PRKCZ: variants seen among roughly 807,000 people sequenced by gnomAD.
PRKCZ encodes the protein protein kinase C zeta type.
PRKCZ carries 33 observed loss-of-function variants against 79.5 expected under a neutral mutation model. That is an observed-to-expected ratio of 0.41 (90% CI 0.31 to 0.55). PRKCZ has a LOEUF of 0.55. Among genes scored for constraint, PRKCZ ranks in the 20% least tolerant of loss-of-function variants. The pLI, the probability that PRKCZ is intolerant of heterozygous loss-of-function variation, is 0.19. For missense variants in PRKCZ, 578 were observed against 813.5 expected (o/e 0.71, Z 3.52); for synonymous variants, 342 against 320.9 (o/e 1.07, Z -0.70).
intron 5 of PRKCZ, 49 bp downstream of exon 5, chr1:2,135,396 T>G: frequency 6.6e-7 from 1 of 1,505,812 alleles, no homozygotes; most frequent in Non-Finnish European, 9.1e-7. Flanking sequence ...TTTGTTACTT[T>G]TAAAAGCAAA....
At chr1:2,070,508 A>G (rs1465788940) in intron 4 of PRKCZ, among the ~76,000 whole-genome samples, 1 of 152,146 alleles carries the variant, frequency 6.6e-6, no homozygotes, top group Non-Finnish European at 1.5e-5. Flanking sequence ...CTCCAAGGCC[A>G]TTTCTACTTG....
rs1307528167 is a variant in PRKCZ at position 2,075,179 on chromosome 1, C to G, written c.334+15588C>G. On this transcript the variant is annotated intron_variant, in intron 4 of 17. Coordinates refer to ENST00000378567, the MANE Select transcript of PRKCZ (RefSeq NM_002744.6). This position sits in a 1 kb window ranked among gnomAD's most constrained non-coding sequence, Gnocchi z 4.8. The stretch of plus-strand genomic sequence containing the variant: ...GCTGGGGTGGTTTTCACACGTGCGC[C>G]TGCCTGCGAGGAGAAACGTGCTGTG... The G allele has an allele frequency of 6.6e-6, 1 of 152,324 alleles. No homozygotes were observed. The highest frequency in any genetic ancestry group is 1.5e-5 in the Non-Finnish European group (1 of 68,146). 9.4% of individuals were successfully genotyped at this position (152,324 alleles called of 1,614,324 possible). A position where few individuals can be genotyped will look rare whatever the true frequency, so the allele number is the denominator to read the frequency against.
rs529291511 is a variant in PRKCZ at position 2,177,700 on chromosome 1, G to A, written c.1575+2387G>A. On this transcript the variant is annotated intron_variant, in intron 16 of 17. Transcript: ENST00000378567. This position sits in a 1 kb window ranked among gnomAD's most constrained non-coding sequence, Gnocchi z 6.4. ...GTGATCTCTGGCACACACTTGCCGC[G>A]GGCTGTCTCTCGGAAGGTAGTCAGC... 3.3e-5 allele frequency among the ~76,000 whole-genome samples: 5 copies of A among 152,256 alleles called. No individual in the cohort carries two copies. In the East Asian group the frequency reaches 7.7e-4, roughly 24 times the overall value.
In PRKCZ at chr1:2,125,060, G is replaced by A. The variant is rs530527220; in HGVS notation, c.335-10202G>A. On this transcript the variant is annotated intron_variant, in intron 4 of 17. Coordinates refer to ENST00000378567, the MANE Select transcript of PRKCZ (RefSeq NM_002744.6). The surrounding 1 kb of genome is among the most constrained non-coding windows in gnomAD (Gnocchi z 4.2). ...CAGCCTGGCTCTGTGCCGGGCGCTG[G>A]GCAATCTCTGCCTCCAGCCTGGGCC... 1.4e-4 allele frequency among the ~76,000 whole-genome samples: 22 copies of A among 152,248 alleles called. No homozygotes were observed. The highest frequency in any genetic ancestry group is 2.2e-4 in the Non-Finnish European group (15 of 68,012).
chr1:2,109,490 A>G (rs906790795), intron 4 of PRKCZ, among the ~76,000 whole-genome samples: 1 of 152,204 alleles, frequency 6.6e-6, no homozygotes, highest in African/African-American at 2.4e-5. Flanking sequence ...CGTGAATATT[A>G]AACATGTGGA....
At chr1:2,050,228 A>G (rs1329716516), upstream of PRKCZ, among the ~76,000 whole-genome samples, 2 of 151,426 alleles carry the variant, frequency 1.3e-5, no homozygotes, top group East Asian at 2.0e-4. Flanking sequence ...CGCCCCGCCC[A>G]ACAGGTAGCC....
intron 4 of PRKCZ, among the ~76,000 whole-genome samples, chr1:2,105,047 G>A (rs780443076): frequency 2.6e-5 from 4 of 152,196 alleles, no homozygotes; most frequent in Admixed American, 6.5e-5. Flanking sequence ...AAGGACGCTT[G>A]CATAGCCAAC....
chr1:2,087,314 C>G (rs28654259), intron 4 of PRKCZ, among the ~76,000 whole-genome samples: 4,272 of 152,204 alleles, frequency 0.028, 195 homozygotes, highest in East Asian at 0.13. Flanking sequence ...AACTCCTGAC[C>G]TCAAGGGATC....
chr1:2,157,866 C>T (rs531388345), intron 10 of PRKCZ, among the ~76,000 whole-genome samples: 7 of 152,146 alleles, frequency 4.6e-5, no homozygotes, highest in African/African-American at 9.7e-5. Context: ...ATGTTATATC[C>T]GTGTAGGGAA....
chr1:2,074,646 T>C, intron 4 of PRKCZ: 2 of 385,670 alleles, frequency 5.2e-6, no homozygotes, highest in South Asian at 6.0e-5. Context: ...ATTGACAGTG[T>C]TGGGTTGGAG....
rs1300505391 is a variant in PRKCZ, at chr1:2,173,843, C to T, written c.1286-54C>T. ...GAAAACCAACGCCAGCCAGGTTCGT[C>T]CTGCTGCCGGCCCATGTGGCCCCAC... On this transcript the variant is annotated intron_variant, in intron 13 of 17. Transcript: ENST00000378567. This position sits in a 1 kb window ranked among gnomAD's most constrained non-coding sequence, Gnocchi z 5.7. The T allele has an allele frequency of 6.6e-7, 1 of 1,522,790 alleles. No homozygotes were observed. Among genetic ancestry groups the T allele is most frequent in the Non-Finnish European group, 8.8e-7 (1 of 1,130,448 alleles). 94.3% of individuals were successfully genotyped at this position (1,522,790 alleles called of 1,614,324 possible).
At position 2,144,211 on chromosome 1, in the gene PRKCZ, G is replaced by T; in HGVS notation, c.422G>T (p.Arg141Ile). The change falls in exon 6 of 18, where the codon AGA (arginine) becomes ATA (isoleucine). Residue 141 changes from arginine (R) to isoleucine (I), a missense_variant and splice_region_variant. Transcript: ENST00000378567. ...CTGACGCTCTGTTCCCACCTGCAGA[G>T]AGCGTACTGCGGTCAGTGCAGCGAG... ...HLFQAKRFNRRAYCGQCSERI... is the reference protein window; with the variant it reads ...HLFQAKRFNRIAYCGQCSERI... 1.3e-6 allele frequency: 2 copies of T among 1,551,886 alleles called. No homozygotes were observed. Among genetic ancestry groups the T allele is most frequent in the Non-Finnish European group, 8.7e-7 (1 of 1,147,044 alleles).
rs374680073 is a variant in PRKCZ at position 2,106,333 on chromosome 1, G to C, written c.335-28929G>C. Among the ~76,000 whole-genome samples, 96 of 152,356 alleles carry C rather than the reference G, an allele frequency of 6.3e-4. No individual in the cohort carries two copies. In the Middle Eastern group the frequency reaches 0.024, roughly 38 times the overall value. ...ACAGAAGTAGAGAGAATTACATAGT[G>C]AGGCCTCGTGCACACCCTGCCTGGC... On this transcript the variant is annotated intron_variant, in intron 4 of 17. Transcript: ENST00000378567.
intron 4 of PRKCZ, among the ~76,000 whole-genome samples, chr1:2,066,632 G>T (rs1239899181): frequency 6.6e-6 from 1 of 152,216 alleles, no homozygotes; most frequent in African/African-American, 2.4e-5. Flanking sequence ...ATGAGCTGCT[G>T]CGCCCGGCCC....
intron 4 of PRKCZ, among the ~76,000 whole-genome samples, chr1:2,109,390 C>T (rs1669257426): frequency 6.6e-6 from 1 of 152,208 alleles, no homozygotes; most frequent in Non-Finnish European, 1.5e-5. Flanking sequence ...GACCCTTGAC[C>T]TTGGTGGCCT....
intron 4 of PRKCZ, among the ~76,000 whole-genome samples, chr1:2,116,652 C>G (rs1232170324): frequency 1.3e-5 from 2 of 152,048 alleles, no homozygotes; most frequent in South Asian, 2.1e-4. Context: ...GTTTTTTGCC[C>G]CCATGTCGTA....
intron 4 of PRKCZ, among the ~76,000 whole-genome samples, chr1:2,077,818 A>T (rs2102356948): frequency 6.6e-6 from 1 of 152,322 alleles, no homozygotes; most frequent in Middle Eastern, 3.4e-3. Context: ...TCTCTGGGAC[A>T]CATCAGCTCA....
At chr1:2,050,233 G>T (rs1182253200), upstream of PRKCZ, among the ~76,000 whole-genome samples, 1 of 151,882 alleles carries the variant, frequency 6.6e-6, no homozygotes. Context: ...CGCCCAACAG[G>T]TAGCCCCGCC....
chr1:2,145,918 G>GTA, intron 6 of PRKCZ, 109 bp from the exon 7 acceptor site: 10 of 927,194 alleles, frequency 1.1e-5, no homozygotes, highest in South Asian at 1.0e-4. Flanking sequence ...GACCCTGTCT[G>GTA]TAAAAAAAAG....
Sources: allele counts gnomAD v4.1 joint callset (sites outside exome capture counted in the v4.1 genomes callset), GRCh38; gene constraint gnomAD v4.1.1; non-coding constraint Gnocchi (gnomAD v3.1); transcripts MANE v1.5; gene names NCBI Gene and HGNC (gene_info 2026-07-23, HGNC 2026-07-21).